TTN: variants seen among roughly 807,000 people sequenced by gnomAD.
The protein encoded by TTN is connectin.
In TTN, 1,525 loss-of-function variants were observed where a neutral mutation model predicts 3,223.0. That is an observed-to-expected ratio of 0.47 (90% CI 0.45 to 0.49). The LOEUF (loss-of-function observed/expected upper bound fraction) is 0.49. Ranked by LOEUF, TTN falls within the 20% of genes least tolerant of loss-of-function variation. TTN has a pLI of 0.00. For synonymous variants in TTN, 14,094 were observed against 15,161.0 expected, an observed-to-expected ratio of 0.93 and a Z score of 5.17; for missense variants, 40,786 against 43,424.0, an observed-to-expected ratio of 0.94 and a Z score of 5.40.
chr2:178,761,282 C>T (rs1234421231), intron 43 of TTN, among the ~76,000 whole-genome samples: 1 of 152,148 alleles, frequency 6.6e-6, no homozygotes, highest in Non-Finnish European at 1.5e-5. Flanking sequence ...TTCCCTATCA[C>T]AGTATCACTT....
At position 178,582,451 on chromosome 2, in the gene TTN, T is replaced by C. The variant is rs2047996309; in HGVS notation, c.66005A>G (p.Asn22002Ser). The change falls in exon 314 of 363, where the codon AAC becomes AGC. Residue 22002 changes from asparagine (N) to serine (S), a missense_variant. Transcript: ENST00000589042. ...CACAGTTGCAGAGACTTGAGCCCAG[T>C]TGGGCCTGCTTGTTTCACGTTTGTC... ...IVDKRETSRP[N>S]WAQVSATVPI... is the part of the protein sequence containing the mutation. 5 of 1,613,008 alleles carry C rather than the reference T, an allele frequency of 3.1e-6. No individual in the cohort carries two copies. Among genetic ancestry groups the C allele is most frequent in the African/African-American group, 1.3e-5 (1 of 74,982 alleles).
chr2:178,534,594 C>T lies in TTN; in HGVS notation c.102021G>A (p.Val34007=). 6.2e-7 allele frequency: 1 copy of T among 1,613,870 alleles called. No individual in the cohort carries two copies. Among genetic ancestry groups the T allele is most frequent in the South Asian group, 1.1e-5 (1 of 91,082 alleles). ...DMWSLGTLVY[V]LLSGINPFLA... ...GGAATGGGTTGATACCACTCAATAG[C>T]ACATATACCAGTGTTCCAAGTGACC... The change falls in exon 358 of 363, where the codon GTG becomes GTA. Residue 34007 remains valine (V), a synonymous_variant. Transcript: ENST00000589042.
At position 178,630,403 on chromosome 2, in the gene TTN, T is replaced by C. The variant is rs541526706; in HGVS notation, c.44155-36A>G. 1.0e-5 allele frequency: 16 copies of C among 1,559,152 alleles called. No individual in the cohort carries two copies. The East Asian group carries it at 3.7e-4, about 36-fold the overall frequency. On this transcript the variant is annotated intron_variant, in intron 238 of 362. Coordinates refer to ENST00000589042, the MANE Select transcript of TTN (RefSeq NM_001267550.2). ...AAAACAGAAAAACTTTCATAGAAAA[T>C]AATTTTCTTTGAAATTTTGTTCTAA...
Position 178,530,041 on chromosome 2 carries a change from T to G in TTN, c.106450A>C (p.Thr35484Pro). Residue 35484 changes from threonine to proline, a missense_variant, in exon 359 of 363, where the codon ACT becomes CCT. Physicochemically the swap from Thr to Pro is conservative, Grantham distance 38. Transcript: ENST00000589042. ...GFFLEIHKTD[T>P]SDSGLYTCTV... Reference sequence around the variant, plus strand: ...CAAGTATAAAGTCCACTGTCAGAAGTATCAGTCTTATGAATTTCTAAGAAG... The same window carrying G: ...CAAGTATAAAGTCCACTGTCAGAAGGATCAGTCTTATGAATTTCTAAGAAG... The G allele has an allele frequency of 6.2e-7, 1 of 1,610,786 alleles. No individual in the cohort carries two copies. Among genetic ancestry groups the G allele is most frequent in the Non-Finnish European group, 8.5e-7 (1 of 1,179,078 alleles).
chr2:178,553,307 C>G lies in TTN; in HGVS notation c.89593G>C (p.Gly29865Arg). The G allele has an allele frequency of 1.2e-6, 2 of 1,607,308 alleles. No individual in the cohort carries two copies. The highest frequency in any genetic ancestry group is 1.7e-6 in the Non-Finnish European group (2 of 1,179,710). Residue 29865 changes from glycine (G) to arginine (R), a missense_variant, in exon 335 of 363, where the codon GGC becomes CGC. Coordinates refer to ENST00000589042, the MANE Select transcript of TTN (RefSeq NM_001267550.2). ...CATGTGACAGTAGGTGGAGGTCTGC[C>G]TTTAAAGGGAATCAACACTTGTACA... ...EDVQVLIPFK[G>R]RPPPTVTWRK... is the part of the protein sequence containing the mutation.
chr2:178,741,490 C>T lies in TTN; in HGVS notation c.11743G>A (p.Gly3915Ser). The change falls in exon 48 of 363, where the codon GGT (glycine) becomes AGT (serine). Residue 3915 changes from glycine (G) to serine (S), a missense_variant. By Grantham distance (56) the Gly-to-Ser change is moderately conservative. Transcript: ENST00000589042. Reference sequence around the variant, plus strand: ...GATTCTGTTTCAGTGTCTTTGTGACCCTCTCCTTTGGAATTAATTTTTAGA... The same window carrying T: ...GATTCTGTTTCAGTGTCTTTGTGACTCTCTCCTTTGGAATTAATTTTTAGA... ...AYLKINSKGE[G>S]HKDTETESAV... 6.2e-7 allele frequency: 1 copy of T among 1,613,772 alleles called. No homozygotes were observed. Among genetic ancestry groups the T allele is most frequent in the Non-Finnish European group, 8.5e-7 (1 of 1,179,818 alleles).
intron 347 of TTN, 25 bp from the exon 348 acceptor site, chr2:178,542,974 A>T (rs776441992): frequency 1.0e-5 from 16 of 1,554,012 alleles, no homozygotes; most frequent in Non-Finnish European, 1.3e-5. Context: ...TCAGGCATTT[A>T]TTCTTAAGCA....
Position 178,565,943 on chromosome 2 carries a change from T to A in TTN, c.80189A>T (p.Tyr26730Phe). Residue 26730 changes from tyrosine to phenylalanine, a missense_variant, in exon 326 of 363, where the codon TAT becomes TTT. By Grantham distance (22) the Tyr-to-Phe change is conservative. Transcript: ENST00000589042. ...GCTGCATTTACTACTCACATTAGCA[T>A]ACGCTTTTCTGGTTGACTCACGTTT... ...IDKRESTRKA[Y>F]ANVSSKCSKT... 1 of 1,613,672 alleles carries A rather than the reference T, an allele frequency of 6.2e-7. No individual in the cohort carries two copies. The highest frequency in any genetic ancestry group is 8.5e-7 in the Non-Finnish European group (1 of 1,179,676).
chr2:178,742,587 C>A (rs2082689815), intron 47 of TTN, among the ~76,000 whole-genome samples: 1 of 151,958 alleles, frequency 6.6e-6, no homozygotes, highest in African/African-American at 2.4e-5. Flanking sequence ...AAAACAACTC[C>A]AATATTAAAA....
rs553280930 is a variant in TTN at position 178,649,608 on chromosome 2, C to A, written c.39919G>T (p.Val13307Phe). 224 of 1,550,274 alleles carry A rather than the reference C, an allele frequency of 1.4e-4. 1 individual carries two copies. In the South Asian group the frequency reaches 2.4e-3, roughly 17 times the overall value. The change falls in exon 212 of 363, where the codon GTT becomes TTT. Residue 13307 changes from valine (V) to phenylalanine (F), a missense_variant. Val to Phe is a conservative substitution (Grantham distance 50). Coordinates refer to ENST00000589042, the MANE Select transcript of TTN (RefSeq NM_001267550.2). Reference sequence around the variant, plus strand: ...ACAGTTGGGACCTTCTTCACTGGAACAACTTTCTTTGGCATCTCAGGTTCT... The same window carrying A: ...ACAGTTGGGACCTTCTTCACTGGAAAAACTTTCTTTGGCATCTCAGGTTCT... ...PKEPEMPKKV[V>F]PVKKVPTVKK...
Position 178,625,721 on chromosome 2 carries a change from G to A in TTN, c.44425-325C>T, listed in dbSNP as rs570738037. The stretch of plus-strand genomic sequence containing the variant: ...TATAAGGACTATAAATCATGCTGCT[G>A]TAAAGACACATGCACACGTATGTTT... On this transcript the variant is annotated intron_variant, in intron 240 of 362. Coordinates refer to ENST00000589042, the MANE Select transcript of TTN (RefSeq NM_001267550.2). Among the ~76,000 whole-genome samples the A allele has an allele frequency of 1.8e-3, 278 of 152,044 alleles. 5 individuals carry two copies. In the South Asian group the frequency reaches 0.024, roughly 13 times the overall value.
rs1470812776 is a variant in TTN, at chr2:178,572,588, C to G, written c.73544G>C (p.Arg24515Thr). 3 of 1,613,298 alleles carry G rather than the reference C, an allele frequency of 1.9e-6. No homozygotes were observed. Among genetic ancestry groups the G allele is most frequent in the Non-Finnish European group, 2.5e-6 (3 of 1,179,606 alleles). The change falls in exon 326 of 363, where the codon AGA becomes ACA. Residue 24515 changes from arginine (R) to threonine (T), a missense_variant. Arg to Thr is a moderately conservative substitution (Grantham distance 71). Transcript: ENST00000589042. ...TGGGGGGCCTGGTGTATCGAGAACT[C>G]TAACATTGACAAATGCAGACTTGCT... ...SGSKSAFVNV[R>T]VLDTPGPPQD... is the part of the protein sequence containing the mutation.
At chr2:178,785,267 ATAAG>A (rs576248013) in intron 15 of TTN, among the ~76,000 whole-genome samples, 226 of 152,344 alleles carry the variant, frequency 1.5e-3, no homozygotes, top group Middle Eastern at 3.4e-3. Context: ...GTCTCACAGC[ATAAG>A]TAAAACTATG....
Position 178,560,653 on chromosome 2 carries a change from T to G in TTN, c.85479A>C (p.Thr28493=). ...CACATATTGTCCATGCAAGGTGGCT[T>G]GTTTCACGTTTTTCTACGATGTAAT... ...IDYYIVEKRE[T]SHLAWTICEG... The change falls in exon 326 of 363, where the codon ACA becomes ACC. Residue 28493 remains threonine (T), a synonymous_variant. Coordinates refer to ENST00000589042, the MANE Select transcript of TTN (RefSeq NM_001267550.2). The G allele has an allele frequency of 6.2e-7, 1 of 1,613,674 alleles. No individual in the cohort carries two copies.
In TTN at chr2:178,645,901, T is replaced by C; in HGVS notation, c.40408+19A>G. On this transcript the variant is annotated intron_variant, in intron 217 of 362. Coordinates refer to ENST00000589042, the MANE Select transcript of TTN (RefSeq NM_001267550.2). ...AGTTTGAAGCAGGCTAATAAAACTT[T>C]GGAAGTGGCATTTTTTACCTTTAAG... is the stretch of plus-strand genomic sequence containing the variant. 6.7e-7 allele frequency: 1 copy of C among 1,488,970 alleles called. No homozygotes were observed. The allele number at this position is 1,488,970 out of a possible 1,614,324, so 92.2% of individuals were successfully genotyped here. A position where few individuals can be genotyped will look rare whatever the true frequency, so the allele number is the denominator to read the frequency against.
At position 178,728,556 on chromosome 2, in the gene TTN, A is replaced by G. The variant is rs2079785463; in HGVS notation, c.19370T>C (p.Phe6457Ser). The change falls in exon 66 of 363, where the codon TTC becomes TCC. Residue 6457 changes from phenylalanine (F) to serine (S), a missense_variant. Coordinates refer to ENST00000589042, the MANE Select transcript of TTN (RefSeq NM_001267550.2). ...GCTTCCGAAGTCATTTTCCACCTTG[A>G]AAGTGTACTGACCGCTGTCCTGCTT... The part of the protein sequence containing the change: ...VMKQDSGQYT[F>S]KVENDFGSSS... 1.2e-6 allele frequency: 2 copies of G among 1,613,088 alleles called. No individual in the cohort carries two copies. The highest frequency in any genetic ancestry group is 1.7e-6 in the Non-Finnish European group (2 of 1,179,444).
chr2:178,764,072 A>C (rs1302827569), intron 43 of TTN, 105 bp downstream of exon 43: 3 of 1,514,614 alleles, frequency 2.0e-6, no homozygotes, highest in Admixed American at 1.7e-5. Flanking sequence ...TAAGCTTCAA[A>C]TTATGCATGA....
At position 178,711,148 on chromosome 2, in the gene TTN, G is replaced by A. The variant is rs1430247866; in HGVS notation, c.28088C>T (p.Thr9363Ile). ...DNTATLNIFK[T>I]DRSLAGQYSC... ...ATACTGGCCTGCAAGGCTCCGGTCA[G>A]TTTTAAAAATATTGAGTGTGGCTGT... The change falls in exon 97 of 363, where the codon ACT becomes ATT. Residue 9363 changes from threonine (T) to isoleucine (I), a missense_variant. Physicochemically the swap from Thr to Ile is moderately conservative, Grantham distance 89. Transcript: ENST00000589042. 6.2e-7 allele frequency: 1 copy of A among 1,613,752 alleles called. No homozygotes were observed. The highest frequency in any genetic ancestry group is 1.1e-5 in the South Asian group (1 of 91,082).
intron 147 of TTN, 42 bp from the exon 148 acceptor site, chr2:178,676,037 A>AC: frequency 6.5e-7 from 1 of 1,546,528 alleles, no homozygotes. Context: ...ATTTTGAAGG[A>AC]CAAAAAAAGA....
Sources: allele counts gnomAD v4.1 joint callset (sites outside exome capture counted in the v4.1 genomes callset), GRCh38; gene constraint gnomAD v4.1.1; transcripts MANE v1.5; gene names NCBI Gene and HGNC (gene_info 2026-07-23, HGNC 2026-07-21).